The following EYS variants were observed in gnomAD, a reference collection of about 807,000 sequenced individuals.
EYS encodes protein eyes shut homolog.
A neutral mutation model predicts 282.1 loss-of-function variants in EYS; 250 were observed. The observed-to-expected ratio is 0.89, with a 90% CI of 0.80 to 0.98. The LOEUF (loss-of-function observed/expected upper bound fraction) is 0.98. Among genes scored for constraint, EYS ranks in the 50% least tolerant of loss-of-function variants. EYS has a pLI of 0.00. For synonymous variants in EYS, 1,355 were observed against 1,282.9 expected, an observed-to-expected ratio of 1.06 and a Z score of -1.20; for missense variants, 4,016 against 3,709.0, an observed-to-expected ratio of 1.08 and a Z score of -2.15.
intron 2 of EYS, among the ~76,000 whole-genome samples, chr6:65,575,276 G>A (rs1239388804): frequency 6.6e-6 from 1 of 151,682 alleles, no homozygotes; most frequent in East Asian, 1.9e-4. Flanking sequence ...GCAGTGAGCT[G>A]AGATCATGCC....
chr6:65,455,418 T>G (rs933842659), intron 5 of EYS, among the ~76,000 whole-genome samples: 1 of 152,068 alleles, frequency 6.6e-6, no homozygotes, highest in Non-Finnish European at 1.5e-5. Context: ...AGGTTTTCTA[T>G]AAAGAATTTT....
chr6:64,309,117 C>T (rs567664489), intron 29 of EYS, among the ~76,000 whole-genome samples: 2 of 152,104 alleles, frequency 1.3e-5, no homozygotes, highest in East Asian at 1.9e-4. Context: ...AATGTTCAAA[C>T]TTAAATCTGA....
chr6:65,358,042 C>T (rs938379164), intron 8 of EYS, among the ~76,000 whole-genome samples: 4 of 151,822 alleles, frequency 2.6e-5, no homozygotes, highest in African/African-American at 4.8e-5. Flanking sequence ...AGTTTCACAG[C>T]GACCTCAGGT....
In EYS at chr6:65,570,524, C is replaced by G. The variant is rs1764442565; in HGVS notation, c.-333+69254G>C. On this transcript the variant is annotated intron_variant, in intron 2 of 42. Transcript: ENST00000503581. Reference sequence around the variant, plus strand: ...CCCACTGTATGAGTTTCACAACTGACTTTTATCATGATCTCTCATGCTGGG... The same window carrying G: ...CCCACTGTATGAGTTTCACAACTGAGTTTTATCATGATCTCTCATGCTGGG... Among the ~76,000 whole-genome samples the G allele has an allele frequency of 2.6e-5, 4 of 152,228 alleles. No individual in the cohort carries two copies. The South Asian group carries it at 8.3e-4, about 32-fold the overall frequency.
intron 26 of EYS, among the ~76,000 whole-genome samples, chr6:64,581,107 G>A (rs1382822844): frequency 6.6e-6 from 1 of 152,124 alleles, no homozygotes; most frequent in Non-Finnish European, 1.5e-5. Flanking sequence ...GAAGCTATGA[G>A]TGAAAGTGCA....
At chr6:65,372,528 A>T (rs937824470) in intron 8 of EYS, among the ~76,000 whole-genome samples, 2 of 152,062 alleles carry the variant, frequency 1.3e-5, no homozygotes, top group Non-Finnish European at 2.9e-5. Flanking sequence ...ATTTATTTAT[A>T]TAAACATGAA....
At chr6:65,152,405 A>G in intron 12 of EYS, among the ~76,000 whole-genome samples, 1 of 151,968 alleles carries the variant, frequency 6.6e-6, no homozygotes, top group East Asian at 1.9e-4. Context: ...AGGTGATTAC[A>G]TTAAAGTGAG....
At chr6:64,139,465 T>A (rs1033576251) in intron 31 of EYS, among the ~76,000 whole-genome samples, 3 of 152,022 alleles carry the variant, frequency 2.0e-5, no homozygotes, top group Non-Finnish European at 4.4e-5. Context: ...AATATTTTTT[T>A]AAAAAAAGAA....
At chr6:64,524,089 T>C in intron 26 of EYS, among the ~76,000 whole-genome samples, 1 of 151,706 alleles carries the variant, frequency 6.6e-6, no homozygotes, top group Non-Finnish European at 1.5e-5. Context: ...ATTAACAGCT[T>C]AACTCTCTGA....
At chr6:65,687,280 A>G (rs1769058014) in intron 1 of EYS, among the ~76,000 whole-genome samples, 1 of 152,106 alleles carries the variant, frequency 6.6e-6, no homozygotes, top group South Asian at 2.1e-4. Flanking sequence ...ATATGCAAGA[A>G]AAAAGACAAA....
chr6:64,012,387 C>G (rs959425713), intron 33 of EYS, among the ~76,000 whole-genome samples: 1 of 152,102 alleles, frequency 6.6e-6, no homozygotes, highest in African/African-American at 2.4e-5. Context: ...ATGAGAATAG[C>G]TGGGATGGGA....
chr6:64,954,239 C>T (rs937300320), intron 14 of EYS, among the ~76,000 whole-genome samples: 2 of 151,106 alleles, frequency 1.3e-5, no homozygotes, highest in African/African-American at 4.9e-5. Context: ...ATTTGTGATC[C>T]TTTTTAAGGG....
At chr6:64,216,428 GAGAAGC>G (rs1765929718) in intron 31 of EYS, among the ~76,000 whole-genome samples, 1 of 152,172 alleles carries the variant, frequency 6.6e-6, no homozygotes, top group Non-Finnish European at 1.5e-5. Flanking sequence ...ATGTGCCTAA[GAGAAGC>G]CCATGGTAGA....
chr6:64,570,836 G>C (rs897971181), intron 26 of EYS, among the ~76,000 whole-genome samples: 17 of 152,180 alleles, frequency 1.1e-4, no homozygotes, highest in African/African-American at 3.6e-4. Context: ...ATAATGGTGG[G>C]AGATTTTAAC....
intron 7 of EYS, among the ~76,000 whole-genome samples, chr6:65,396,340 G>A (rs560175262): frequency 1.3e-5 from 2 of 151,778 alleles, no homozygotes; most frequent in Admixed American, 6.6e-5. Flanking sequence ...TTCTATGCAC[G>A]GCCTCATTTC....
At chr6:64,925,107 A>G (rs1308631753) in intron 15 of EYS, among the ~76,000 whole-genome samples, 1 of 152,218 alleles carries the variant, frequency 6.6e-6, no homozygotes, top group African/African-American at 2.4e-5. Flanking sequence ...ATAGTTCTAC[A>G]TGGCTGGGCA....
intron 26 of EYS, among the ~76,000 whole-genome samples, chr6:64,495,433 T>C (rs1776860030): frequency 6.6e-6 from 1 of 151,924 alleles, no homozygotes; most frequent in Middle Eastern, 3.4e-3. Context: ...GTTCTTGAAT[T>C]AGGGCTTAAA....
intron 12 of EYS, among the ~76,000 whole-genome samples, chr6:65,197,225 G>T (rs1252541494): frequency 6.6e-6 from 1 of 152,078 alleles, no homozygotes; most frequent in East Asian, 1.9e-4. Context: ...AAATAAATAT[G>T]TAGAAAGGAT....
intron 14 of EYS, among the ~76,000 whole-genome samples, 175 bp from the exon 15 acceptor site, chr6:64,946,089 GTATTCT>G (rs1325525917): frequency 1.3e-5 from 2 of 151,972 alleles, no homozygotes; most frequent in African/African-American, 4.8e-5. Context: ...CGTGTGAACA[GTATTCT>G]TTAGTATCTA....
Sources: gnomAD v4.1 joint callset for allele counts (sites outside exome capture counted in the v4.1 genomes callset) on GRCh38, gnomAD v4.1.1 for gene constraint, MANE v1.5 for transcripts, NCBI Gene and HGNC (gene_info 2026-07-23, HGNC 2026-07-21) for gene names.